Variants in SPTBN1 observed in about 807,000 individuals in gnomAD.
The protein encoded by SPTBN1 is spectrin beta, non-erythrocytic 1.
SPTBN1 carries 32 observed loss-of-function variants against 266.4 expected under a neutral mutation model. That is an observed-to-expected ratio of 0.12 (90% CI 0.09 to 0.16). SPTBN1 has a LOEUF of 0.16. Ranked by LOEUF, SPTBN1 falls within the 10% of genes least tolerant of loss-of-function variation. SPTBN1 has a pLI of 1.00. For missense variants in SPTBN1, 2,296 were observed against 3,067.1 expected (o/e 0.75, Z 5.94); for synonymous variants, 1,336 against 1,162.2 (o/e 1.15, Z -3.04).
intron 2 of SPTBN1, among the ~76,000 whole-genome samples, chr2:54,530,507 C>T (rs1010480643): frequency 2.0e-5 from 3 of 151,490 alleles, no homozygotes; most frequent in Admixed American, 6.6e-5. Context: ...TACAGGCGCC[C>T]GCCACCACCC....
intron 18 of SPTBN1, among the ~76,000 whole-genome samples, chr2:54,639,496 A>G (rs1336993328): frequency 6.6e-6 from 1 of 152,218 alleles, no homozygotes; most frequent in South Asian, 2.1e-4. Context: ...GTTTAAATCT[A>G]AGAAAAAGAA....
chr2:54,599,882 G>C (rs1676365291), intron 3 of SPTBN1, among the ~76,000 whole-genome samples: 1 of 152,168 alleles, frequency 6.6e-6, no homozygotes, highest in Non-Finnish European at 1.5e-5. Flanking sequence ...TCTTGTTTAT[G>C]CACCTTATAC....
chr2:54,599,146 T>G lies in SPTBN1; in HGVS notation c.203T>G (p.Leu68Arg). 1 of 1,614,224 alleles carries G rather than the reference T, an allele frequency of 6.2e-7. No individual in the cohort carries two copies. Among genetic ancestry groups the G allele is most frequent in the Non-Finnish European group, 8.5e-7 (1 of 1,180,040 alleles). ...TTCACCAAGTGGGTCAATTCCCACC[T>G]TGCCCGTGTGTCCTGCCGGATCACA... ...KTFTKWVNSH[L>R]ARVSCRITDL... Residue 68 changes from leucine to arginine, a missense_variant, in exon 3 of 36, where the codon CTT becomes CGT. Coordinates refer to ENST00000356805, the MANE Select transcript of SPTBN1 (RefSeq NM_003128.3).
At chr2:54,661,325 A>T (rs1246314699) in intron 32 of SPTBN1, 5 of 985,814 alleles carry the variant, frequency 5.1e-6, no homozygotes, top group Non-Finnish European at 6.0e-6. Flanking sequence ...ACCTTGTGAG[A>T]CATTCACTTG....
intron 2 of SPTBN1, among the ~76,000 whole-genome samples, chr2:54,555,720 C>T (rs985710667): frequency 6.6e-6 from 1 of 152,176 alleles, no homozygotes; most frequent in African/African-American, 2.4e-5. Context: ...CCCAGCCTGA[C>T]GGTTCCTTAT....
Position 54,498,583 on chromosome 2 carries a change from T to G in SPTBN1, c.-47-27789T>G, listed in dbSNP as rs999792834. 5.0e-4 allele frequency among the ~76,000 whole-genome samples: 76 copies of G among 152,324 alleles called. 2 individuals carry two copies. The highest frequency in any genetic ancestry group is 1.6e-3 in the African/African-American group (67 of 41,572). ...AATGAGTTAATATTTGTAAAGGGCT[T>G]AGACCTGGGCACATAGTAAAAGCTA... On this transcript the variant is annotated intron_variant, in intron 1 of 35. Transcript: ENST00000356805.
At chr2:54,589,799 G>A (rs1009233126) in intron 2 of SPTBN1, among the ~76,000 whole-genome samples, 9 of 152,080 alleles carry the variant, frequency 5.9e-5, no homozygotes, top group Admixed American at 5.9e-4. Flanking sequence ...CCTGCTCTGT[G>A]TATTTTGCAT....
chr2:54,592,135 C>G (rs904519993), intron 2 of SPTBN1, among the ~76,000 whole-genome samples: 3 of 152,210 alleles, frequency 2.0e-5, no homozygotes, highest in Non-Finnish European at 4.4e-5. Context: ...CCACTACACT[C>G]TAGCTGGGGT....
At chr2:54,663,931 G>C (rs1353558837) in intron 32 of SPTBN1, 1 of 152,492 alleles carries the variant, frequency 6.6e-6, no homozygotes, top group East Asian at 1.9e-4. Context: ...AGGGGGAGGA[G>C]AGCCAGAGAG....
chr2:54,596,326 A>T lies in SPTBN1; in HGVS notation c.149-2766A>T, dbSNP rs114729804. 6.0e-3 allele frequency among the ~76,000 whole-genome samples: 916 copies of T among 152,306 alleles called. 7 individuals carry two copies. The highest frequency in any genetic ancestry group is 0.021 in the African/African-American group (858 of 41,560). ...CCAAGGACCCGAAGCCTGATCCTCTACTGAGCCACCAAATAGATTTCTTTT... is the reference window on the plus strand; with the variant it reads ...CCAAGGACCCGAAGCCTGATCCTCTTCTGAGCCACCAAATAGATTTCTTTT... On this transcript the variant is annotated intron_variant, in intron 2 of 35. Coordinates refer to ENST00000356805, the MANE Select transcript of SPTBN1 (RefSeq NM_003128.3).
chr2:54,644,957 T>C (rs1283458165), intron 20 of SPTBN1, among the ~76,000 whole-genome samples: 1 of 152,256 alleles, frequency 6.6e-6, no homozygotes, highest in Non-Finnish European at 1.5e-5. Flanking sequence ...TTGTGACAGT[T>C]ATCTGAGTTG....
At position 54,668,893 on chromosome 2, in the gene SPTBN1, G is replaced by A. The variant is rs1681562602; in HGVS notation, c.*324G>A. On this transcript the variant is annotated 3_prime_UTR_variant, in exon 36 of 36. Coordinates refer to ENST00000356805, the MANE Select transcript of SPTBN1 (RefSeq NM_003128.3). ...AACCCGCCTCTAGTGCTGTTGGTATGCAAGGCAGCGGTGCTTAATCAATAT... is the reference window on the plus strand; with the variant it reads ...AACCCGCCTCTAGTGCTGTTGGTATACAAGGCAGCGGTGCTTAATCAATAT... The A allele has an allele frequency of 3.4e-6, 1 of 294,736 alleles. No homozygotes were observed. The highest frequency in any genetic ancestry group is 2.2e-5 in the African/African-American group (1 of 44,792). 18.3% of individuals were successfully genotyped at this position (294,736 alleles called of 1,614,324 possible). A position where few individuals can be genotyped will look rare whatever the true frequency, so the allele number is the denominator to read the frequency against.
At chr2:54,620,030 C>G (rs1193987241) in intron 7 of SPTBN1, among the ~76,000 whole-genome samples, 2 of 152,168 alleles carry the variant, frequency 1.3e-5, no homozygotes, top group African/African-American at 2.4e-5. Flanking sequence ...ACAACCTATC[C>G]CAAGTTGAGT....
At chr2:54,544,888 T>C (rs906264411) in intron 2 of SPTBN1, among the ~76,000 whole-genome samples, 76 of 152,298 alleles carry the variant, frequency 5.0e-4, no homozygotes, top group Admixed American at 9.2e-4. Context: ...CAACTCATCA[T>C]TTACATTAGA....
intron 11 of SPTBN1, among the ~76,000 whole-genome samples, 161 bp from the exon 12 acceptor site, chr2:54,625,771 A>C (rs1027759173): frequency 2.0e-5 from 3 of 152,248 alleles, no homozygotes; most frequent in Non-Finnish European, 4.4e-5. Flanking sequence ...TTGTATTTTT[A>C]GTAGAGACAG....
Position 54,628,235 on chromosome 2 carries a change from G to T in SPTBN1, c.1783G>T (p.Ala595Ser), listed in dbSNP as rs760741921. The T allele has an allele frequency of 3.1e-6, 5 of 1,612,674 alleles. No homozygotes were observed. Among genetic ancestry groups the T allele is most frequent in the African/African-American group, 1.3e-5 (1 of 74,820 alleles). Reference sequence around the variant, plus strand: ...TGTCAATGCCTCCGCCCAGAAGTTCGCAACAGACGGGGAAGGTAAGGATGG... The same window carrying T: ...TGTCAATGCCTCCGCCCAGAAGTTCTCAACAGACGGGGAAGGTAAGGATGG... Reference protein sequence around the residue: ...RGVNASAQKFATDGEGYKPCD... With the variant: ...RGVNASAQKFSTDGEGYKPCD... The change falls in exon 13 of 36, where the codon GCA (alanine) becomes TCA (serine). Residue 595 changes from alanine (A) to serine (S), a missense_variant. Around this residue, in one of 12 missense-constraint regions of SPTBN1, gnomAD observed 434 missense variants for 573.9 expected, o/e 0.76. Transcript: ENST00000356805. The surrounding 1 kb of genome is among the most constrained non-coding windows in gnomAD (Gnocchi z 4.3).
At chr2:54,561,805 A>G (rs962923321) in intron 2 of SPTBN1, among the ~76,000 whole-genome samples, 1 of 149,766 alleles carries the variant, frequency 6.7e-6, no homozygotes, top group African/African-American at 2.4e-5. Context: ...TCATAAATAT[A>G]TAGTTTATAG....
At chr2:54,521,459 G>T (rs750281274) in intron 1 of SPTBN1, among the ~76,000 whole-genome samples, 3 of 152,218 alleles carry the variant, frequency 2.0e-5, no homozygotes, top group Non-Finnish European at 4.4e-5. Flanking sequence ...GAAAAAAGAT[G>T]TCTCTACCAT....
rs553122794 is a variant in SPTBN1, at chr2:54,477,723, C to G, written c.-48+21205C>G. ...GGTCAGGAGTTCGAGACCAGCCTGGCTAATATGGTGAAACCCCGTCTCTAC... is the reference window on the plus strand; with the variant it reads ...GGTCAGGAGTTCGAGACCAGCCTGGGTAATATGGTGAAACCCCGTCTCTAC... On this transcript the variant is annotated intron_variant, in intron 1 of 35. Coordinates refer to ENST00000356805, the MANE Select transcript of SPTBN1 (RefSeq NM_003128.3). 2.6e-5 allele frequency among the ~76,000 whole-genome samples: 4 copies of G among 152,200 alleles called. No individual in the cohort carries two copies. In the East Asian group the frequency reaches 5.8e-4, roughly 22 times the overall value.
Sources: allele counts gnomAD v4.1 joint callset (sites outside exome capture counted in the v4.1 genomes callset), GRCh38; gene constraint gnomAD v4.1.1; regional missense constraint gnomAD v4.1.1; non-coding constraint Gnocchi (gnomAD v3.1); transcripts MANE v1.5; gene names NCBI Gene and HGNC (gene_info 2026-07-23, HGNC 2026-07-21).